KIF11: variants seen among roughly 807,000 people sequenced by gnomAD.
The protein encoded by KIF11 is kinesin-like protein KIF11.
Under a neutral mutation model 121.0 loss-of-function variants are expected in KIF11, and 9 were observed. That is an observed-to-expected ratio of 0.07 (90% CI 0.04 to 0.13). KIF11 has a LOEUF of 0.13. Ranked by LOEUF, KIF11 falls within the 10% of genes least tolerant of loss-of-function variation. KIF11 has a pLI of 1.00. For synonymous variants in KIF11, 408 were observed against 421.0 expected (o/e 0.97, Z 0.38); for missense variants, 846 against 1,217.5 (o/e 0.69, Z 4.54).
rs138926765 is a variant in KIF11, at chr10:92,624,823, G to T, written c.1217+3350G>T. Among the ~76,000 whole-genome samples, 824 of 147,424 alleles carry T rather than the reference G, an allele frequency of 5.6e-3. 5 individuals carry two copies. The highest frequency in any genetic ancestry group is 7.8e-3 in the Non-Finnish European group (521 of 67,018). Reference sequence around the variant, plus strand: ...CTTGCTCTGTTGTCCAGGGTGGACTGCAGTGGCACAATCTCGGCTCACTGC... The same window carrying T: ...CTTGCTCTGTTGTCCAGGGTGGACTTCAGTGGCACAATCTCGGCTCACTGC... On this transcript the variant is annotated intron_variant, in intron 10 of 21. Transcript: ENST00000260731.
rs771194029 is a variant in KIF11, at chr10:92,607,121, A to G, written c.309-38A>G. 5 of 1,199,346 alleles carry G rather than the reference A, an allele frequency of 4.2e-6. No homozygotes were observed. The South Asian group carries it at 4.9e-5, about 12-fold the overall frequency. The allele number at this position is 1,199,346 out of a possible 1,614,324, so 74.3% of individuals were successfully genotyped here. ...CTATCACTAAGAGTCATATGGGTGC[A>G]TGTTTCTTTTTGATTTAACACTTGT... is the stretch of plus-strand genomic sequence containing the variant. On this transcript the variant is annotated intron_variant, in intron 3 of 21. Coordinates refer to ENST00000260731, the MANE Select transcript of KIF11 (RefSeq NM_004523.4).
intron 17 of KIF11, among the ~76,000 whole-genome samples, chr10:92,642,961 G>C (rs1844880841): frequency 6.6e-6 from 1 of 152,186 alleles, no homozygotes; most frequent in Non-Finnish European, 1.5e-5. Context: ...GCCCAGGCCG[G>C]AGTACAGTGG....
rs1304640244 is a variant in KIF11 at position 92,651,530 on chromosome 10, T to C, written c.3039+1013T>C. ...TTGTTTTTTTTTTTTTTTTTTTTTT[T>C]TTTTTTTTTTTTTTTTTTAGTAGAG... On this transcript the variant is annotated intron_variant, in intron 21 of 21. Transcript: ENST00000260731. Among the ~76,000 whole-genome samples, 40 of 121,280 alleles carry C rather than the reference T, an allele frequency of 3.3e-4. 2 individuals are homozygous for C. Among genetic ancestry groups the C allele is most frequent in the East Asian group, 1.1e-3 (5 of 4,358 alleles). The allele number at this position is 121,280 out of a possible 152,430, so 79.6% of individuals were successfully genotyped here.
chr10:92,626,473 GTGTT>G (rs1844678811), intron 10 of KIF11, among the ~76,000 whole-genome samples: 1 of 152,108 alleles, frequency 6.6e-6, no homozygotes. Context: ...AAAAACCTAG[GTGTT>G]TGTTCTCTAA....
At chr10:92,608,029 C>T (rs1332997098) in intron 4 of KIF11, among the ~76,000 whole-genome samples, 1 of 144,092 alleles carries the variant, frequency 6.9e-6, no homozygotes, top group Non-Finnish European at 1.5e-5. Context: ...GTGGTGCATA[C>T]GTGTAATCCC....
At chr10:92,595,754 A>G (rs1210146502) in intron 1 of KIF11, among the ~76,000 whole-genome samples, 1 of 152,048 alleles carries the variant, frequency 6.6e-6, no homozygotes, top group Non-Finnish European at 1.5e-5. Context: ...CATCAACCCG[A>G]CACCTACCAT....
intron 10 of KIF11, among the ~76,000 whole-genome samples, chr10:92,622,189 G>T (rs1003851131): frequency 5.9e-5 from 9 of 152,030 alleles, no homozygotes; most frequent in Non-Finnish European, 1.0e-4. Flanking sequence ...CAGGAGAATT[G>T]CTTGAAGCTG....
intron 14 of KIF11, among the ~76,000 whole-genome samples, chr10:92,635,303 T>C (rs1403900391): frequency 6.6e-6 from 1 of 152,196 alleles, no homozygotes; most frequent in Non-Finnish European, 1.5e-5. Context: ...TTTTCAAATA[T>C]TGATTCATTC....
chr10:92,604,378 T>C (rs1321066570), intron 1 of KIF11, among the ~76,000 whole-genome samples: 2 of 152,204 alleles, frequency 1.3e-5, no homozygotes, highest in Non-Finnish European at 2.9e-5. Context: ...CCAAAAATAA[T>C]AGACTAATTG....
Position 92,633,610 on chromosome 10 carries a change from T to C in KIF11, c.1703-13T>C, listed in dbSNP as rs1159969062. The C allele has an allele frequency of 3.2e-6, 5 of 1,571,768 alleles. No homozygotes were observed. The highest frequency in any genetic ancestry group is 4.3e-6 in the Non-Finnish European group (5 of 1,152,416). ...TGTCAAAGTTTACATCTTTCTGTTT[T>C]TGTTTGTTATAGGTAATCTGCTGTC... On this transcript the variant is annotated splice_polypyrimidine_tract_variant and intron_variant, in intron 13 of 21. Coordinates refer to ENST00000260731, the MANE Select transcript of KIF11 (RefSeq NM_004523.4).
rs12244660 is a variant in KIF11, at chr10:92,606,841, G to A, written c.308+125G>A. The A allele has an allele frequency of 0.04, 27,400 of 683,004 alleles. 1,706 individuals carry two copies. Among genetic ancestry groups the A allele is most frequent in the African/African-American group, 0.22 (12,011 of 55,440 alleles). 42.3% of individuals were successfully genotyped at this position (683,004 alleles called of 1,614,324 possible). ...TGCCCAGGCTGGAGTGCAATGGCGC[G>A]ATCTCGGCTCACTGCAGCCTCTGCC... On this transcript the variant is annotated intron_variant, in intron 3 of 21. Transcript: ENST00000260731.
In KIF11 at chr10:92,637,557, A is replaced by G; in HGVS notation, c.2160+12A>G. ...AGACCCATTCCCAGGTATGTTGTTT[A>G]GCGGACTTGGGGAGTACAGAAAGAG... On this transcript the variant is annotated intron_variant, in intron 16 of 21. Coordinates refer to ENST00000260731, the MANE Select transcript of KIF11 (RefSeq NM_004523.4). 6.3e-7 allele frequency: 1 copy of G among 1,598,130 alleles called. No individual in the cohort carries two copies. Among genetic ancestry groups the G allele is most frequent in the Non-Finnish European group, 8.5e-7 (1 of 1,176,660 alleles).
Position 92,630,212 on chromosome 10 carries a change from G to T in KIF11, c.1342G>T (p.Asp448Tyr). 6.3e-7 allele frequency: 1 copy of T among 1,586,570 alleles called. No individual in the cohort carries two copies. The highest frequency in any genetic ancestry group is 1.2e-5 in the South Asian group (1 of 86,238). ...GTTTATGGATAATAAAAATGAACTTGACCAGTGTAAATCTGACCTGCAAAA... is the reference window on the plus strand; with the variant it reads ...GTTTATGGATAATAAAAATGAACTTTACCAGTGTAAATCTGACCTGCAAAA... Reference protein sequence around the residue: ...ELFMDNKNELDQCKSDLQNKT... With the variant: ...ELFMDNKNELYQCKSDLQNKT... Residue 448 changes from aspartate to tyrosine, a missense_variant, in exon 12 of 22, where the codon GAC (aspartate) becomes TAC (tyrosine). Asp to Tyr is a radical substitution (Grantham distance 160, BLOSUM62 -3). Around this residue, in one of 5 missense-constraint regions of KIF11, gnomAD observed 95 missense variants for 109.3 expected, o/e 0.87. Coordinates refer to ENST00000260731, the MANE Select transcript of KIF11 (RefSeq NM_004523.4).
rs759381455 is a variant in KIF11, at chr10:92,637,563, C to T, written c.2160+18C>T. The T allele has an allele frequency of 6.3e-7, 1 of 1,590,510 alleles. No homozygotes were observed. The highest frequency in any genetic ancestry group is 1.2e-5 in the South Asian group (1 of 85,996). On this transcript the variant is annotated intron_variant, in intron 16 of 21. Coordinates refer to ENST00000260731, the MANE Select transcript of KIF11 (RefSeq NM_004523.4). The stretch of plus-strand genomic sequence containing the variant: ...ATTCCCAGGTATGTTGTTTAGCGGA[C>T]TTGGGGAGTACAGAAAGAGAGTTTT...
In KIF11 at chr10:92,637,220, A is replaced by T. The variant is rs143033053; in HGVS notation, c.1912A>T (p.Met638Leu). Residue 638 changes from methionine (M) to leucine (L), a missense_variant, in exon 15 of 22, where the codon ATG (methionine) becomes TTG (leucine). Met to Leu is a conservative substitution (Grantham distance 15). Around this residue, in one of 5 missense-constraint regions of KIF11, gnomAD observed 492 missense variants for 603.4 expected, o/e 0.82. Transcript: ENST00000260731. ...LKTDLLSSLE[M>L]ILSPTVVSIL... Reference sequence around the variant, plus strand: ...GACTGATCTTCTAAGTTCACTGGAAATGATTTTATCCCCAACTGTGGTGTC... The same window carrying T: ...GACTGATCTTCTAAGTTCACTGGAATTGATTTTATCCCCAACTGTGGTGTC... 14 of 1,586,026 alleles carry T rather than the reference A, an allele frequency of 8.8e-6. No individual in the cohort carries two copies. Among genetic ancestry groups the T allele is most frequent in the Non-Finnish European group, 1.1e-5 (13 of 1,173,430 alleles).
intron 4 of KIF11, 43 bp from the exon 5 acceptor site, chr10:92,608,976 TA>T (rs1287009362): frequency 8.1e-6 from 9 of 1,117,830 alleles, no homozygotes; most frequent in Non-Finnish European, 1.0e-5. Context: ...ACTGCCACAG[TA>T]AATGGCATTC....
intron 17 of KIF11, among the ~76,000 whole-genome samples, chr10:92,644,175 G>A (rs1219647736): frequency 6.6e-6 from 1 of 152,068 alleles, no homozygotes; most frequent in Non-Finnish European, 1.5e-5. Context: ...TTCCCAGTAT[G>A]GTCTAGGGAC....
At position 92,608,904 on chromosome 10, in the gene KIF11, G is replaced by A. The variant is rs1261259384; in HGVS notation, c.388-116G>A. On this transcript the variant is annotated intron_variant, in intron 4 of 21. Coordinates refer to ENST00000260731, the MANE Select transcript of KIF11 (RefSeq NM_004523.4). ...GGTTAGTTGTTTCTTTTTTTGTTTT[G>A]TTTTAACTTGCTTTGCCATACTTAT... 7 of 576,516 alleles carry A rather than the reference G, an allele frequency of 1.2e-5. No homozygotes were observed. The African/African-American group carries it at 1.4e-4, about 11-fold the overall frequency. The allele number at this position is 576,516 out of a possible 1,614,324, so 35.7% of individuals were successfully genotyped here.
At chr10:92,620,863 A>T (rs1366597931) in intron 9 of KIF11, among the ~76,000 whole-genome samples, 7 of 152,226 alleles carry the variant, frequency 4.6e-5, no homozygotes, top group African/African-American at 1.7e-4. Flanking sequence ...ATCTCCCACC[A>T]GGTCCCTCCC....
Sources: gnomAD v4.1 joint callset for allele counts (sites outside exome capture counted in the v4.1 genomes callset) on GRCh38, gnomAD v4.1.1 for gene constraint, gnomAD v4.1.1 regional missense constraint, MANE v1.5 for transcripts, NCBI Gene and HGNC (gene_info 2026-07-23, HGNC 2026-07-21) for gene names.